Variants in TEX11 observed in about 807,000 individuals in gnomAD.
TEX11 encodes testis-expressed protein 11.
A neutral mutation model predicts 84.4 loss-of-function variants in TEX11; 7 were observed. The observed-to-expected ratio is 0.08, with a 90% CI of 0.05 to 0.16. The LOEUF (loss-of-function observed/expected upper bound fraction) is 0.16. Ranked by LOEUF, TEX11 falls within the 10% of genes least tolerant of loss-of-function variation. The pLI is 1.00. For synonymous variants in TEX11, 264 were observed against 222.8 expected (o/e 1.18, Z -1.64); for missense variants, 551 against 660.5 (o/e 0.83, Z 1.82).
intron 24 of TEX11, among the ~76,000 whole-genome samples, chrX:70,604,329 G>C (rs764522124): frequency 9.0e-6 from 1 of 111,658 alleles, no homozygotes; most frequent in East Asian, 2.8e-4. Context: ...ATTTACCTTT[G>C]CCTGTTAAGT....
At chrX:70,641,349 G>C (rs1363280515) in intron 17 of TEX11, among the ~76,000 whole-genome samples, 3 of 110,816 alleles carry the variant, frequency 2.7e-5, no homozygotes, top group African/African-American at 9.9e-5. Flanking sequence ...GTCAATATTA[G>C]ACAGATCAAC....
chrX:70,776,941 A>G, intron 9 of TEX11, among the ~76,000 whole-genome samples: 1 of 111,739 alleles, frequency 8.9e-6, no homozygotes, highest in Admixed American at 9.5e-5. Flanking sequence ...GATACCCCAA[A>G]TACCCCGACT....
At chrX:70,584,207 C>T (rs891030749) in intron 25 of TEX11, among the ~76,000 whole-genome samples, 19 of 106,342 alleles carry the variant, frequency 1.8e-4, no homozygotes, top group African/African-American at 3.8e-4. Flanking sequence ...GGCGTGAACC[C>T]GGGAAGCGGA....
At chrX:70,672,747 T>G (rs1027546711) in intron 15 of TEX11, 2 of 112,287 alleles carry the variant, frequency 1.8e-5, no homozygotes, top group African/African-American at 6.5e-5. Context: ...TAGCCCATTA[T>G]TGTATACATG....
intron 17 of TEX11, among the ~76,000 whole-genome samples, chrX:70,638,238 A>T (rs1333957241): frequency 1.8e-5 from 2 of 111,566 alleles, no homozygotes; most frequent in Admixed American, 1.9e-4. Flanking sequence ...TCCTGAAAGT[A>T]ACAATAGAAA....
At chrX:70,838,992 G>C (rs1391650989) in intron 7 of TEX11, among the ~76,000 whole-genome samples, 1 of 112,657 alleles carries the variant, frequency 8.9e-6, no homozygotes. Flanking sequence ...AAGCAGCCGG[G>C]AAGCTCGAAC....
intron 7 of TEX11, among the ~76,000 whole-genome samples, chrX:70,838,137 G>A (rs2091416318): frequency 8.9e-6 from 1 of 111,984 alleles, no homozygotes; most frequent in African/African-American, 3.2e-5. Context: ...CACATTTGTT[G>A]GCCAGGCACG....
At position 70,698,413 on chromosome X, in the gene TEX11, A is replaced by G. The variant is rs185327227; in HGVS notation, c.1005-15588T>C. 4.7e-3 allele frequency among the ~76,000 whole-genome samples: 515 copies of G among 110,189 alleles called. 5 individuals carry two copies. The highest frequency in any genetic ancestry group is 7.1e-3 in the Non-Finnish European group (374 of 52,833). ...TTGTCTTTGGTAAGAAACTTTAAAG[A>G]ATTTCTATAATTAAAAGCAATCAGA... On this transcript the variant is annotated intron_variant, in intron 13 of 29. Coordinates refer to ENST00000374333, the MANE Select transcript of TEX11 (RefSeq NM_031276.3).
intron 9 of TEX11, among the ~76,000 whole-genome samples, chrX:70,791,469 G>T (rs373269701): frequency 8.9e-6 from 1 of 111,913 alleles, no homozygotes; most frequent in East Asian, 2.8e-4. Flanking sequence ...AAACTTATGA[G>T]GAAATTCTGC....
At chrX:70,601,747 C>T (rs1224978628) in intron 24 of TEX11, among the ~76,000 whole-genome samples, 1 of 97,380 alleles carries the variant, frequency 1.0e-5, no homozygotes, top group African/African-American at 3.8e-5. Context: ...TCTTAACGAG[C>T]ATGCTGCCTT....
intron 17 of TEX11, among the ~76,000 whole-genome samples, chrX:70,637,179 C>A (rs1278136082): frequency 8.9e-6 from 1 of 111,956 alleles, no homozygotes; most frequent in African/African-American, 3.2e-5. Flanking sequence ...TAGGGAAATG[C>A]AAATCAAAAC....
At chrX:70,662,659 C>T (rs929491704) in intron 16 of TEX11, among the ~76,000 whole-genome samples, 16 of 111,805 alleles carry the variant, frequency 1.4e-4, no homozygotes, top group African/African-American at 5.2e-4. Context: ...AGACTAACAG[C>T]TGATCTCTCG....
intron 9 of TEX11, among the ~76,000 whole-genome samples, chrX:70,768,443 A>G (rs1473458549): frequency 9.0e-6 from 1 of 111,725 alleles, no homozygotes; most frequent in Non-Finnish European, 1.9e-5. Flanking sequence ...TCACACTGCC[A>G]TAAAGAACTG....
At chrX:70,827,681 G>T (rs970037787) in intron 8 of TEX11, among the ~76,000 whole-genome samples, 3 of 111,903 alleles carry the variant, frequency 2.7e-5, no homozygotes, top group African/African-American at 9.7e-5. Flanking sequence ...AGTGGGAAGG[G>T]CTTTGTATTG....
rs73550387 is a variant in TEX11, at chrX:70,904,768, C to A, written c.37+2985G>T. On this transcript the variant is annotated intron_variant, in intron 2 of 29. Coordinates refer to ENST00000374333, the MANE Select transcript of TEX11 (RefSeq NM_031276.3). ...ATGTGCTTTAAGTATAAAATACATG[C>A]CAGACTTCAAAGACTTTGTACCAAA... is the stretch of plus-strand genomic sequence containing the variant. 8.5e-3 allele frequency among the ~76,000 whole-genome samples: 942 copies of A among 111,078 alleles called. 18 individuals are homozygous for A. The highest frequency in any genetic ancestry group is 0.029 in the African/African-American group (876 of 30,666).
At chrX:70,588,015 T>C (rs1004177632) in intron 25 of TEX11, among the ~76,000 whole-genome samples, 2 of 112,084 alleles carry the variant, frequency 1.8e-5, no homozygotes, top group Non-Finnish European at 3.8e-5. Flanking sequence ...TTTTGGCCAA[T>C]TTCTCCCATT....
chrX:70,609,225 T>G, intron 21 of TEX11, 48 bp from the exon 22 acceptor site: 1 of 1,083,579 alleles, frequency 9.2e-7, no homozygotes, highest in Non-Finnish European at 1.3e-6. Flanking sequence ...TTTTATACTC[T>G]AGCAAAATTG....
At chrX:70,625,936 T>C (rs1169011992) in intron 18 of TEX11, among the ~76,000 whole-genome samples, 1 of 110,117 alleles carries the variant, frequency 9.1e-6, no homozygotes, top group African/African-American at 3.3e-5. Flanking sequence ...TTTTTAGAGA[T>C]GGGGTTTCAC....
chrX:70,584,442 G>A (rs2088825768), intron 25 of TEX11, among the ~76,000 whole-genome samples: 1 of 111,937 alleles, frequency 8.9e-6, no homozygotes, highest in African/African-American at 3.2e-5. Flanking sequence ...AGGACCAGAT[G>A]GCTTCACTGG....
Sources: gnomAD v4.1 joint callset for allele counts (sites outside exome capture counted in the v4.1 genomes callset) on GRCh38, gnomAD v4.1.1 for gene constraint, MANE v1.5 for transcripts, NCBI Gene and HGNC (gene_info 2026-07-23, HGNC 2026-07-21) for gene names.